GPHN: variants seen among roughly 807,000 people sequenced by gnomAD.
GPHN encodes gephyrin.
Under a neutral mutation model 95.5 loss-of-function variants are expected in GPHN, and 17 were observed. The observed-to-expected ratio is 0.18, with a 90% CI of 0.12 to 0.27. The LOEUF is 0.27. Among genes scored for constraint, GPHN ranks in the 10% least tolerant of loss-of-function variants. The pLI is 1.00. For synonymous variants in GPHN, 320 were observed against 322.5 expected (o/e 0.99, Z 0.08); for missense variants, 660 against 978.1 (o/e 0.67, Z 4.34).
At chr14:67,214,979 G>A in the GPHN span, among the ~76,000 whole-genome samples, 1 of 152,072 alleles carries the variant, frequency 6.6e-6, no homozygotes, top group Non-Finnish European at 1.5e-5. Context: ...TCTGTTATTG[G>A]TGTATAAGAA....
chr14:67,236,885 C>T, the GPHN span, among the ~76,000 whole-genome samples: 3 of 151,958 alleles, frequency 2.0e-5, no homozygotes, highest in South Asian at 2.1e-4. Flanking sequence ...GTCAGGGGTT[C>T]GAGAACAGCC....
chr14:66,529,109 G>A (rs1353110082), intron 1 of GPHN, among the ~76,000 whole-genome samples: 4 of 152,076 alleles, frequency 2.6e-5, no homozygotes, highest in African/African-American at 4.8e-5. Context: ...CCAATCAAAC[G>A]TAGGTTTGGT....
chr14:66,739,401 A>G (rs541444576), intron 2 of GPHN, among the ~76,000 whole-genome samples: 2 of 151,620 alleles, frequency 1.3e-5, no homozygotes, highest in Admixed American at 1.3e-4. Context: ...TATTTTTAGT[A>G]AAGATGGGGT....
the GPHN span, chr14:67,292,406 CT>C: frequency 1.3e-6 from 1 of 749,466 alleles, no homozygotes; most frequent in African/African-American, 1.8e-5. Context: ...TGGTATTTTT[CT>C]GAAAACTTAA....
intron 1 of GPHN, among the ~76,000 whole-genome samples, chr14:66,678,900 C>T (rs751467402): frequency 7.2e-4 from 110 of 152,244 alleles, no homozygotes; most frequent in Non-Finnish European, 2.6e-4. Flanking sequence ...ATGGAGTCAG[C>T]GACAAGACTT....
chr14:67,015,812 A>ATGTG (rs2073275848), intron 9 of GPHN, among the ~76,000 whole-genome samples: 1 of 152,118 alleles, frequency 6.6e-6, no homozygotes, highest in African/African-American at 2.4e-5. Flanking sequence ...GTCTGTTTTT[A>ATGTG]TGTGTGTATG....
the GPHN span, among the ~76,000 whole-genome samples, chr14:67,721,189 C>A: frequency 6.6e-6 from 1 of 152,172 alleles, no homozygotes. Flanking sequence ...AGGGACAGAA[C>A]TGGGAAATTA....
At chr14:67,197,450 T>G in the GPHN span, 1 of 152,138 alleles carries the variant, frequency 6.6e-6, no homozygotes, top group Non-Finnish European at 1.5e-5. Flanking sequence ...TCCCTCTTCC[T>G]TCTTCTACTT....
At chr14:66,992,056 A>G (rs897674458) in intron 9 of GPHN, among the ~76,000 whole-genome samples, 2 of 152,060 alleles carry the variant, frequency 1.3e-5, no homozygotes, top group African/African-American at 4.8e-5. Flanking sequence ...TTCATGAAAT[A>G]AAGATAGTTA....
the GPHN span, chr14:67,224,935 T>C: frequency 1.9e-6 from 1 of 514,364 alleles, no homozygotes; most frequent in East Asian, 3.7e-5. Context: ...ATAAGCTCCA[T>C]TGCAAAGAAT....
chr14:66,982,918 C>T (rs1282627442), intron 9 of GPHN, among the ~76,000 whole-genome samples: 1 of 152,096 alleles, frequency 6.6e-6, no homozygotes, highest in Non-Finnish European at 1.5e-5. Flanking sequence ...GAATGCTAAT[C>T]TTTTGTGATT....
chr14:67,090,375 TACCTG>T (rs2153669619), intron 12 of GPHN, among the ~76,000 whole-genome samples: 1 of 152,236 alleles, frequency 6.6e-6, no homozygotes, highest in African/African-American at 2.4e-5. Flanking sequence ...GAAAATTTGA[TACCTG>T]ACCTCATGTG....
the GPHN span, among the ~76,000 whole-genome samples, chr14:67,491,722 C>A: frequency 9.9e-5 from 15 of 152,220 alleles, no homozygotes; most frequent in African/African-American, 3.6e-4. Flanking sequence ...TCAGAACAAC[C>A]ACTTTTACTT....
At chr14:66,609,451 A>G (rs1020067007) in intron 1 of GPHN, among the ~76,000 whole-genome samples, 6 of 152,054 alleles carry the variant, frequency 3.9e-5, no homozygotes, top group African/African-American at 1.4e-4. Context: ...AAAACTCACA[A>G]GAGTTTTCTG....
the GPHN span, chr14:67,579,562 T>C: frequency 1.4e-6 from 1 of 710,238 alleles, no homozygotes; most frequent in African/African-American, 1.8e-5. Context: ...ACATCCCTCA[T>C]GCACTGGCCC....
chr14:66,562,676 T>C (rs1162734996), intron 1 of GPHN, among the ~76,000 whole-genome samples: 1 of 152,076 alleles, frequency 6.6e-6, no homozygotes, highest in Non-Finnish European at 1.5e-5. Context: ...AACAGCAAAT[T>C]GTAGGATAAT....
chr14:67,575,028 T>C, the GPHN span, among the ~76,000 whole-genome samples: 1 of 152,194 alleles, frequency 6.6e-6, no homozygotes, highest in African/African-American at 2.4e-5. Flanking sequence ...TCATGATGCA[T>C]GGTTGCCCAA....
the GPHN span, among the ~76,000 whole-genome samples, chr14:67,396,407 C>A: frequency 6.6e-6 from 1 of 151,552 alleles, no homozygotes; most frequent in African/African-American, 2.4e-5. Flanking sequence ...CTTGACCTTC[C>A]AAAGTGCTGA....
At chr14:66,716,978 G>C (rs2070240562) in intron 2 of GPHN, among the ~76,000 whole-genome samples, 1 of 152,184 alleles carries the variant, frequency 6.6e-6, no homozygotes, top group Non-Finnish European at 1.5e-5. Context: ...CTAACCTGGT[G>C]ACAATATGCC....
Sources: gnomAD v4.1 joint callset for allele counts (sites outside exome capture counted in the v4.1 genomes callset) on GRCh38, gnomAD v4.1.1 for gene constraint, MANE v1.5 for transcripts, NCBI Gene and HGNC (gene_info 2026-07-23, HGNC 2026-07-21) for gene names.